RIMS2: variants seen among roughly 807,000 people sequenced by gnomAD.
RIMS2 encodes regulating synaptic membrane exocytosis 2.
RIMS2 carries 59 observed loss-of-function variants against 174.4 expected under a neutral mutation model. The observed-to-expected ratio is 0.34, with a 90% CI of 0.27 to 0.42. The LOEUF (loss-of-function observed/expected upper bound fraction) is 0.42, where lower values mean the gene tolerates loss of function less well. Ranked by LOEUF, RIMS2 falls within the 10% of genes least tolerant of loss-of-function variation. RIMS2 has a pLI of 1.00. For synonymous variants in RIMS2, 606 were observed against 572.5 expected, an observed-to-expected ratio of 1.06 and a Z score of -0.84; for missense variants, 1,620 against 1,666.3, an observed-to-expected ratio of 0.97 and a Z score of 0.48.
chr8:103,650,727 C>T (rs1261709954), intron 1 of RIMS2, among the ~76,000 whole-genome samples: 3 of 152,214 alleles, frequency 2.0e-5, no homozygotes. Flanking sequence ...GGGGACCCCT[C>T]CTCATCCAAA....
intron 1 of RIMS2, among the ~76,000 whole-genome samples, chr8:103,688,895 G>A (rs2096976502): frequency 6.6e-6 from 1 of 151,676 alleles, no homozygotes. Context: ...TACTAACTTT[G>A]GGCTTAGTTT....
At chr8:103,750,491 T>A (rs576263824) in intron 2 of RIMS2, among the ~76,000 whole-genome samples, 10 of 152,152 alleles carry the variant, frequency 6.6e-5, no homozygotes, top group Admixed American at 1.3e-4. Flanking sequence ...GATAAATATT[T>A]GAGGGGATGG....
At chr8:104,216,228 A>G (rs2099129087) in intron 19 of RIMS2, among the ~76,000 whole-genome samples, 1 of 152,236 alleles carries the variant, frequency 6.6e-6, no homozygotes, top group Non-Finnish European at 1.5e-5. Flanking sequence ...ACGCCATATA[A>G]GAAAACAGAA....
intron 19 of RIMS2, among the ~76,000 whole-genome samples, chr8:104,157,222 C>T (rs1005685): frequency 0.29 from 43,632 of 152,010 alleles, 6,415 homozygotes; most frequent in Non-Finnish European, 0.32. Context: ...CTGGTGTTAA[C>T]ATTATCATAA....
chr8:103,784,804 A>G (rs2098425605), intron 3 of RIMS2, among the ~76,000 whole-genome samples: 1 of 103,568 alleles, frequency 9.7e-6, no homozygotes, highest in African/African-American at 4.0e-5. Flanking sequence ...AATTCTGTGA[A>G]GAAAGGCATT....
chr8:104,094,351 G>T (rs1250008937), intron 19 of RIMS2: 3 of 545,742 alleles, frequency 5.5e-6, no homozygotes, highest in Non-Finnish European at 9.6e-6. Context: ...ACATTTAAAA[G>T]ATATAATTTT....
intron 18 of RIMS2, among the ~76,000 whole-genome samples, chr8:104,014,164 A>G (rs1454447238): frequency 1.3e-5 from 2 of 152,132 alleles, no homozygotes; most frequent in African/African-American, 4.8e-5. Flanking sequence ...TGAAAGTTTG[A>G]AATCTGGTAG....
intron 15 of RIMS2, among the ~76,000 whole-genome samples, chr8:103,962,422 T>A (rs1362929719): frequency 1.3e-5 from 2 of 152,182 alleles, no homozygotes; most frequent in African/African-American, 4.8e-5. Flanking sequence ...ATTAAGTTTC[T>A]TCATATGAAA....
At chr8:103,641,678 T>C (rs2096234229) in intron 1 of RIMS2, among the ~76,000 whole-genome samples, 1 of 152,056 alleles carries the variant, frequency 6.6e-6, no homozygotes, top group South Asian at 2.1e-4. Flanking sequence ...AATGCCATTC[T>C]TGGGGGTGGA....
intron 2 of RIMS2, among the ~76,000 whole-genome samples, chr8:103,760,032 A>G (rs1236995766): frequency 6.6e-6 from 1 of 152,244 alleles, no homozygotes; most frequent in Non-Finnish European, 1.5e-5. Flanking sequence ...GCTTTAAAGA[A>G]GAATCTGGCA....
chr8:103,627,503 G>C (rs1461743610), intron 1 of RIMS2, among the ~76,000 whole-genome samples: 1 of 152,208 alleles, frequency 6.6e-6, no homozygotes, highest in African/African-American at 2.4e-5. Context: ...GATTGGGGAA[G>C]TGATAAATGT....
intron 19 of RIMS2, among the ~76,000 whole-genome samples, chr8:104,218,414 T>C (rs1164547220): frequency 6.6e-6 from 1 of 152,210 alleles, no homozygotes; most frequent in Non-Finnish European, 1.5e-5. Flanking sequence ...CCCAACATTT[T>C]TGGCAACAGG....
intron 17 of RIMS2, among the ~76,000 whole-genome samples, chr8:103,998,485 A>G (rs1188653401): frequency 2.6e-5 from 4 of 151,804 alleles, no homozygotes; most frequent in Non-Finnish European, 5.9e-5. Context: ...GGTGATTCTA[A>G]AAATTTAGTT....
exon 17 of RIMS2, chr8:103,989,409 C>T (rs747217134): frequency 6.5e-7 from 1 of 1,549,840 alleles, no homozygotes; most frequent in Non-Finnish European, 8.9e-7. Context: ...CATTATTCTC[C>T]AGATAGAGAC....
chr8:103,622,132 G>A (rs1047560207), intron 1 of RIMS2, among the ~76,000 whole-genome samples: 5 of 152,066 alleles, frequency 3.3e-5, no homozygotes, highest in Admixed American at 1.3e-4. Context: ...ACCCTTTACA[G>A]AAGAGAAGAC....
At chr8:103,770,354 T>G (rs2098237229) in intron 3 of RIMS2, among the ~76,000 whole-genome samples, 1 of 152,178 alleles carries the variant, frequency 6.6e-6, no homozygotes, top group Admixed American at 6.5e-5. Context: ...GGAGGGCGGA[T>G]CACCTGAGGT....
chr8:103,568,142 C>A (rs907167271), intron 1 of RIMS2, among the ~76,000 whole-genome samples: 1 of 151,638 alleles, frequency 6.6e-6, no homozygotes, highest in African/African-American at 2.4e-5. Flanking sequence ...GAAATAAAAA[C>A]AAAAATTTAG....
intron 19 of RIMS2, among the ~76,000 whole-genome samples, chr8:104,173,514 A>G (rs762338983): frequency 1.7e-4 from 26 of 151,268 alleles, no homozygotes; most frequent in Non-Finnish European, 2.9e-4. Flanking sequence ...GGTTTTGATC[A>G]TGAGAGTTTC....
chr8:103,613,031 C>A (rs1447517467), intron 1 of RIMS2, among the ~76,000 whole-genome samples: 1 of 152,182 alleles, frequency 6.6e-6, no homozygotes, highest in East Asian at 1.9e-4. Context: ...TTGGGTCTTA[C>A]TTAAGTCCCT....
Sources: allele counts gnomAD v4.1 joint callset (sites outside exome capture counted in the v4.1 genomes callset), GRCh38; gene constraint gnomAD v4.1.1; transcripts MANE v1.5; gene names NCBI Gene and HGNC (gene_info 2026-07-23, HGNC 2026-07-21).